Variants in ENOX1 observed in about 807,000 individuals in gnomAD.
The protein encoded by ENOX1 is ecto-NOX disulfide-thiol exchanger 1, also known as candidate growth-related and time keeping constitutive hydroquinone (NADH) oxidase.
ENOX1 carries 42 observed loss-of-function variants against 82.5 expected under a neutral mutation model. The ratio of observed to expected loss-of-function variants is 0.51; its 90% CI spans 0.40 to 0.66. The LOEUF (loss-of-function observed/expected upper bound fraction) is 0.66. Ranked by LOEUF, ENOX1 falls within the 30% of genes least tolerant of loss-of-function variation. The pLI is 0.00. For missense variants in ENOX1, 608 were observed against 811.6 expected (o/e 0.75, Z 3.05); for synonymous variants, 271 against 282.2 (o/e 0.96, Z 0.40).
At chr13:43,643,285 C>T (rs1047738705) in intron 2 of ENOX1, among the ~76,000 whole-genome samples, 4 of 152,158 alleles carry the variant, frequency 2.6e-5, no homozygotes, top group African/African-American at 9.7e-5. Context: ...ACTAAGAAGA[C>T]AGACTAATGA....
At chr13:43,441,348 A>G (rs2056345687) in intron 3 of ENOX1, among the ~76,000 whole-genome samples, 1 of 152,222 alleles carries the variant, frequency 6.6e-6, no homozygotes, top group South Asian at 2.1e-4. Flanking sequence ...CTAAATATAC[A>G]TGTCATTTCT....
chr13:43,311,831 G>C (rs1238852318), intron 11 of ENOX1, among the ~76,000 whole-genome samples: 1 of 152,178 alleles, frequency 6.6e-6, no homozygotes, highest in East Asian at 1.9e-4. Context: ...TCACTGCTTT[G>C]TATTATGACA....
intron 2 of ENOX1, among the ~76,000 whole-genome samples, chr13:43,610,142 G>T (rs2082136096): frequency 6.6e-6 from 1 of 152,186 alleles, no homozygotes; most frequent in South Asian, 2.1e-4. Context: ...TCTACCATCT[G>T]CCCTGGCCAT....
chr13:43,330,843 T>C (rs1593976743), intron 9 of ENOX1, among the ~76,000 whole-genome samples: 2 of 152,192 alleles, frequency 1.3e-5, no homozygotes, highest in Admixed American at 1.3e-4. Context: ...TACACGCACC[T>C]AGCATACACA....
chr13:43,662,821 G>A (rs1437884853), intron 2 of ENOX1, among the ~76,000 whole-genome samples: 1 of 152,164 alleles, frequency 6.6e-6, no homozygotes, highest in Non-Finnish European at 1.5e-5. Context: ...TCAACATGTG[G>A]ATAGTCTAAG....
chr13:43,401,344 G>A (rs1454716634), intron 5 of ENOX1, among the ~76,000 whole-genome samples: 1 of 152,114 alleles, frequency 6.6e-6, no homozygotes, highest in Non-Finnish European at 1.5e-5. Flanking sequence ...TTCAGATACT[G>A]TACAACAAAA....
chr13:43,680,864 C>T (rs1409636058), intron 1 of ENOX1, among the ~76,000 whole-genome samples: 1 of 151,866 alleles, frequency 6.6e-6, no homozygotes, highest in Non-Finnish European at 1.5e-5. Flanking sequence ...ATTTTTCCAA[C>T]CTTCATCATT....
At chr13:43,580,963 A>G (rs188112964) in intron 2 of ENOX1, among the ~76,000 whole-genome samples, 2 of 152,144 alleles carry the variant, frequency 1.3e-5, no homozygotes, top group African/African-American at 4.8e-5. Flanking sequence ...GGTGGTAATG[A>G]AAGTTAGGAC....
At chr13:43,651,695 T>TAAAAAAAA (rs57810969) in intron 2 of ENOX1, among the ~76,000 whole-genome samples, 2 of 96,936 alleles carry the variant, frequency 2.1e-5, no homozygotes, top group African/African-American at 3.5e-5. Flanking sequence ...AGACTCTGTC[T>TAAAAAAAA]AAAAAAAAAA....
chr13:43,430,747 T>C (rs2055606432), intron 3 of ENOX1, among the ~76,000 whole-genome samples: 1 of 152,232 alleles, frequency 6.6e-6, no homozygotes, highest in South Asian at 2.1e-4. Context: ...TACAATTTAA[T>C]AGAAAATAAA....
chr13:43,488,325 G>T (rs937140896), intron 2 of ENOX1, among the ~76,000 whole-genome samples: 1 of 152,118 alleles, frequency 6.6e-6, no homozygotes, highest in African/African-American at 2.4e-5. Flanking sequence ...CTTCCACCAC[G>T]TGCAAACACA....
intron 12 of ENOX1, among the ~76,000 whole-genome samples, chr13:43,275,454 A>G (rs2044956679): frequency 6.6e-6 from 1 of 152,172 alleles, no homozygotes; most frequent in East Asian, 1.9e-4. Flanking sequence ...TTGGCAGGAT[A>G]GTGTGGGGTT....
At chr13:43,777,580 T>A (rs1359668133) in intron 1 of ENOX1, among the ~76,000 whole-genome samples, 1 of 151,574 alleles carries the variant, frequency 6.6e-6, no homozygotes, top group Non-Finnish European at 1.5e-5. Flanking sequence ...TCTCACTCTG[T>A]TGCCCAGGCT....
chr13:43,764,640 C>A (rs11838826), intron 1 of ENOX1, among the ~76,000 whole-genome samples: 2 of 151,266 alleles, frequency 1.3e-5, no homozygotes, highest in African/African-American at 4.9e-5. Context: ...AAAAAAAAAA[C>A]GGAAAGGTTT....
chr13:43,254,817 T>C (rs977359830), intron 14 of ENOX1, among the ~76,000 whole-genome samples: 1 of 152,074 alleles, frequency 6.6e-6, no homozygotes, highest in African/African-American at 2.4e-5. Flanking sequence ...ACACATATAA[T>C]CTACCAAGAT....
intron 15 of ENOX1, among the ~76,000 whole-genome samples, chr13:43,230,323 G>C (rs1420791904): frequency 3.9e-5 from 6 of 152,128 alleles, no homozygotes; most frequent in Non-Finnish European, 8.8e-5. Context: ...AGAGAGAGGG[G>C]AGGAGGGAAT....
At chr13:43,645,605 C>G (rs2083861503) in intron 2 of ENOX1, among the ~76,000 whole-genome samples, 1 of 152,160 alleles carries the variant, frequency 6.6e-6, no homozygotes, top group Admixed American at 6.5e-5. Context: ...TCTTTCATTA[C>G]AATATCAATT....
At chr13:43,384,413 C>T (rs1024206480) in intron 5 of ENOX1, among the ~76,000 whole-genome samples, 3 of 152,218 alleles carry the variant, frequency 2.0e-5, no homozygotes, top group Admixed American at 6.5e-5. Flanking sequence ...CCACCCATTA[C>T]TGAGTACCTT....
intron 12 of ENOX1, among the ~76,000 whole-genome samples, chr13:43,270,799 T>C (rs1216366171): frequency 6.6e-6 from 1 of 152,210 alleles, no homozygotes; most frequent in Non-Finnish European, 1.5e-5. Flanking sequence ...TTCTAAAAGC[T>C]CAGTGTGTCC....
Sources: gnomAD v4.1 joint callset for allele counts (sites outside exome capture counted in the v4.1 genomes callset) on GRCh38, gnomAD v4.1.1 for gene constraint, MANE v1.5 for transcripts, NCBI Gene and HGNC (gene_info 2026-07-23, HGNC 2026-07-21) for gene names.